ZNF486: variants seen among roughly 807,000 people sequenced by gnomAD.
The protein encoded by ZNF486 is KRAB box only protein 2.
A neutral mutation model predicts 12.8 loss-of-function variants in ZNF486; 12 were observed. The observed-to-expected ratio is 0.94, with a 90% CI of 0.60 to 1.52. The LOEUF is 1.52. Ranked by LOEUF, ZNF486 falls within the 40% of genes most tolerant of loss-of-function variation. ZNF486 has a pLI of 0.00. For missense variants in ZNF486, 738 were observed against 545.0 expected, an observed-to-expected ratio of 1.35 and a Z score of -3.53; for synonymous variants, 231 against 184.9, an observed-to-expected ratio of 1.25 and a Z score of -2.02.
chr19:20,200,072 T>A lies in ZNF486; in HGVS notation c.*1970T>A, dbSNP rs1555718682. Reference sequence around the variant, plus strand: ...GCCTGGGCAACAGAGCAAGACTCCATCTCAAAAAAAAAAGTGTATTTGTTT... The same window carrying A: ...GCCTGGGCAACAGAGCAAGACTCCAACTCAAAAAAAAAAGTGTATTTGTTT... On this transcript the variant is annotated 3_prime_UTR_variant, in exon 4 of 4. Coordinates refer to ENST00000335117, the MANE Select transcript of ZNF486 (RefSeq NM_052852.4). 6.6e-6 allele frequency: 1 copy of A among 151,390 alleles called. No homozygotes were observed. The highest frequency in any genetic ancestry group is 1.5e-5 in the Non-Finnish European group (1 of 67,880). 9.4% of individuals were successfully genotyped at this position (151,390 alleles called of 1,614,324 possible).
intron 1 of ZNF486, among the ~76,000 whole-genome samples, chr19:20,172,679 G>T (rs371951886): frequency 5.1e-5 from 7 of 137,292 alleles, no homozygotes; most frequent in Admixed American, 3.5e-4. Flanking sequence ...AGATGGAGTC[G>T]CTTAGACTGG....
rs1353190236 is a variant in ZNF486, at chr19:20,181,786, TA to T, written c.31-2563del. ...TCTATATTTTGCTTTTACAGTGTTT[TA>T]AAAAAATTCATGACAGAGAAACAGA... On this transcript the variant is annotated intron_variant, in intron 1 of 3. Coordinates refer to ENST00000335117, the MANE Select transcript of ZNF486 (RefSeq NM_052852.4). Among the ~76,000 whole-genome samples, 5 of 152,268 alleles carry T rather than the reference TA, an allele frequency of 3.3e-5. No individual in the cohort carries two copies. The East Asian group carries it at 9.7e-4, about 29-fold the overall frequency.
At chr19:20,191,059 T>C (rs1044829315) in intron 3 of ZNF486, among the ~76,000 whole-genome samples, 1 of 152,348 alleles carries the variant, frequency 6.6e-6, no homozygotes, top group Non-Finnish European at 1.5e-5. Flanking sequence ...GTATGTCCAA[T>C]TACTCTTTAC....
At chr19:20,178,018 G>A (rs955695613) in intron 1 of ZNF486, among the ~76,000 whole-genome samples, 7 of 150,566 alleles carry the variant, frequency 4.6e-5, no homozygotes, top group African/African-American at 1.7e-4. Flanking sequence ...CTGCCTCCTG[G>A]GTTCAAGAGA....
In ZNF486 at chr19:20,186,087, G is replaced by A. The variant is rs782013747; in HGVS notation, c.253+5G>A. On this transcript the variant is annotated splice_donor_5th_base_variant and intron_variant, in intron 3 of 3. Coordinates refer to ENST00000335117, the MANE Select transcript of ZNF486 (RefSeq NM_052852.4). ...AGATGATTGCCAAACCCCCAGGTAG[G>A]TGCGAATGAAAATGAACACAACAGA... The A allele has an allele frequency of 6.4e-7, 1 of 1,574,586 alleles. No homozygotes were observed. The highest frequency in any genetic ancestry group is 1.9e-5 in the Admixed American group (1 of 51,792).
At chr19:20,176,515 T>A (rs551377362) in intron 1 of ZNF486, 41 of 208,844 alleles carry the variant, frequency 2.0e-4, no homozygotes, top group African/African-American at 8.8e-4. Context: ...ATCACGCCAC[T>A]GCACTCCAGC....
chr19:20,189,258 T>A (rs1484076286), intron 3 of ZNF486, among the ~76,000 whole-genome samples: 2 of 152,006 alleles, frequency 1.3e-5, no homozygotes, highest in Non-Finnish European at 2.9e-5. Flanking sequence ...TTTTTAGTAT[T>A]ATGGGGTTTA....
chr19:20,167,323 C>T lies in ZNF486; in HGVS notation c.-8C>T, dbSNP rs1555713149. 1 of 1,614,118 alleles carries T rather than the reference C, an allele frequency of 6.2e-7. No individual in the cohort carries two copies. Among genetic ancestry groups the T allele is most frequent in the East Asian group, 2.2e-5 (1 of 44,880 alleles). Reference sequence around the variant, plus strand: ...TGTCCTGTAGGTATTGGGAGATCCACAGCCAAGATGCCGGGACCCCTTAGA... The same window carrying T: ...TGTCCTGTAGGTATTGGGAGATCCATAGCCAAGATGCCGGGACCCCTTAGA... On this transcript the variant is annotated 5_prime_UTR_variant, in exon 1 of 4. Coordinates refer to ENST00000335117, the MANE Select transcript of ZNF486 (RefSeq NM_052852.4).
intron 2 of ZNF486, among the ~76,000 whole-genome samples, chr19:20,185,467 A>G (rs1265538182): frequency 2.9e-5 from 4 of 138,506 alleles, no homozygotes; most frequent in African/African-American, 5.7e-5. Flanking sequence ...CTGGAGTGCA[A>G]TGGCATGATC....
Position 20,199,125 on chromosome 19 carries a change from AAAG to A in ZNF486, c.*1026_*1028del, listed in dbSNP as rs1274497174. ...TCCTTGAGAAAAATTGTACAAATAT[AAAG>A]AATATGGAAAAGCCATTAATGTCCA... On this transcript the variant is annotated 3_prime_UTR_variant, in exon 4 of 4. Coordinates refer to ENST00000335117, the MANE Select transcript of ZNF486 (RefSeq NM_052852.4). The A allele has an allele frequency of 6.6e-6, 1 of 152,174 alleles. No homozygotes were observed. The highest frequency in any genetic ancestry group is 1.9e-4 in the East Asian group (1 of 5,200). 9.4% of individuals were successfully genotyped at this position (152,174 alleles called of 1,614,324 possible).
At chr19:20,175,745 A>C (rs1345852576) in intron 1 of ZNF486, among the ~76,000 whole-genome samples, 4 of 152,328 alleles carry the variant, frequency 2.6e-5, no homozygotes, top group Non-Finnish European at 4.4e-5. Context: ...CTACACAGAC[A>C]CGGCAACCAT....
At chr19:20,196,731 T>A (rs1599719086) in intron 3 of ZNF486, among the ~76,000 whole-genome samples, 2 of 151,904 alleles carry the variant, frequency 1.3e-5, no homozygotes, top group Non-Finnish European at 2.9e-5. Flanking sequence ...CTGTTTGCAT[T>A]GTGCTCACCT....
intron 2 of ZNF486, 22 bp from the exon 3 acceptor site, chr19:20,185,965 C>G (rs1188573509): frequency 1.4e-6 from 2 of 1,460,544 alleles, no homozygotes; most frequent in Non-Finnish European, 9.2e-7. Context: ...AAGATTAATG[C>G]TATTTATTTT....
intron 3 of ZNF486, among the ~76,000 whole-genome samples, chr19:20,195,313 C>T (rs2089947892): frequency 6.6e-6 from 1 of 152,174 alleles, no homozygotes; most frequent in Non-Finnish European, 1.5e-5. Flanking sequence ...GGATTACAGG[C>T]ACATGTCACC....
At chr19:20,196,919 C>T (rs782637977) in intron 3 of ZNF486, 45 bp from the exon 4 acceptor site, 1 of 1,507,374 alleles carries the variant, frequency 6.6e-7, no homozygotes, top group Non-Finnish European at 8.8e-7. Context: ...GTATATTTAT[C>T]TGAGTCTAGC....
intron 3 of ZNF486, among the ~76,000 whole-genome samples, chr19:20,188,931 G>T (rs2089876440): frequency 1.3e-5 from 2 of 152,206 alleles, no homozygotes; most frequent in Middle Eastern, 6.8e-3. Context: ...TTTTAAGATG[G>T]AATAATATTC....
chr19:20,171,008 G>T (rs1333070684), intron 1 of ZNF486, among the ~76,000 whole-genome samples: 2 of 152,206 alleles, frequency 1.3e-5, no homozygotes, highest in Admixed American at 1.3e-4. Context: ...GGCCCATAGG[G>T]TTTGTGACTG....
chr19:20,169,827 C>A (rs1463273086), intron 1 of ZNF486, among the ~76,000 whole-genome samples: 1 of 149,110 alleles, frequency 6.7e-6, no homozygotes, highest in Non-Finnish European at 1.5e-5. Context: ...GATTTTAGCT[C>A]AGAGAATGTC....
chr19:20,185,755 T>C (rs1022326743), intron 2 of ZNF486, among the ~76,000 whole-genome samples: 4 of 151,560 alleles, frequency 2.6e-5, no homozygotes, highest in Admixed American at 6.6e-5. Flanking sequence ...AAATATAAGA[T>C]TGTATGATCT....
Sources: allele counts gnomAD v4.1 joint callset (sites outside exome capture counted in the v4.1 genomes callset), GRCh38; gene constraint gnomAD v4.1.1; transcripts MANE v1.5; gene names NCBI Gene and HGNC (gene_info 2026-07-23, HGNC 2026-07-21).